Variants in SRGAP3 observed in about 807,000 individuals in gnomAD.
SRGAP3 encodes the protein SLIT-ROBO Rho GTPase activating protein 3, also known as SLIT-ROBO Rho GTPase-activating protein 3.
A neutral mutation model predicts 121.1 loss-of-function variants in SRGAP3; 39 were observed. That is an observed-to-expected ratio of 0.32 (90% CI 0.25 to 0.42). SRGAP3 has a LOEUF of 0.42. Ranked by LOEUF, SRGAP3 falls within the 10% of genes least tolerant of loss-of-function variation. The pLI, the probability that SRGAP3 is intolerant of heterozygous loss-of-function variation, is 1.00. For synonymous variants in SRGAP3, 601 were observed against 570.0 expected (o/e 1.05, Z -0.77); for missense variants, 1,213 against 1,470.6 (o/e 0.82, Z 2.86).
rs746602606 is a variant in SRGAP3, at chr3:9,111,299, A to G, written c.261-6457T>C. ...GGGCTGGCCTGATTTGTGGGTCACT[A>G]AAGTGTCCCCAAGGAAGAGGTCATT... On this transcript the variant is annotated intron_variant, in intron 2 of 21. Transcript: ENST00000383836. Among the ~76,000 whole-genome samples, 11 of 152,310 alleles carry G rather than the reference A, an allele frequency of 7.2e-5. No individual in the cohort carries two copies. In the South Asian group the frequency reaches 1.0e-3, roughly 14 times the overall value.
chr3:9,302,912 G>A (rs1175421929), intron 3 of SRGAP3, among the ~76,000 whole-genome samples: 1 of 152,020 alleles, frequency 6.6e-6, no homozygotes, highest in Admixed American at 6.6e-5. Flanking sequence ...GAATGGCAAC[G>A]AAGATAATAC....
chr3:9,010,934 A>T (rs1282352137), intron 17 of SRGAP3, among the ~76,000 whole-genome samples: 1 of 152,226 alleles, frequency 6.6e-6, no homozygotes, highest in Non-Finnish European at 1.5e-5. Flanking sequence ...TGAGTAATCC[A>T]GTCCATCAGA....
At chr3:9,199,829 C>T (rs546609697) in intron 1 of SRGAP3, among the ~76,000 whole-genome samples, 74 of 152,264 alleles carry the variant, frequency 4.9e-4, no homozygotes, top group African/African-American at 1.7e-3. Flanking sequence ...AAGCCCCATC[C>T]AAAAAGATTT....
intron 3 of SRGAP3, chr3:9,292,463 T>G (rs1355260826): frequency 6.6e-6 from 1 of 152,202 alleles, no homozygotes; most frequent in Non-Finnish European, 1.5e-5. Flanking sequence ...AATAGTCACT[T>G]ATTGTCCATC....
At chr3:9,259,098 C>G (rs1954197374) in intron 3 of SRGAP3, among the ~76,000 whole-genome samples, 1 of 152,162 alleles carries the variant, frequency 6.6e-6, no homozygotes, top group Admixed American at 6.5e-5. Flanking sequence ...GCAGTGCTCC[C>G]AGCACTTGCT....
Position 8,985,390 on chromosome 3 carries a change from G to C in SRGAP3, c.*129C>G, listed in dbSNP as rs1941626525. 1 of 1,488,418 alleles carries C rather than the reference G, an allele frequency of 6.7e-7. No homozygotes were observed. Among genetic ancestry groups the C allele is most frequent in the African/African-American group, 1.4e-5 (1 of 71,270 alleles). 92.2% of individuals were successfully genotyped at this position (1,488,418 alleles called of 1,614,324 possible). On this transcript the variant is annotated 3_prime_UTR_variant, in exon 22 of 22. Transcript: ENST00000383836. This position sits in a 1 kb window ranked among gnomAD's most constrained non-coding sequence, Gnocchi z 5.1. Reference sequence around the variant, plus strand: ...AGCGCCCGGGCCTCAGCTCTGCACAGACACACCCTCCCAGACGGACCTCTG... The same window carrying C: ...AGCGCCCGGGCCTCAGCTCTGCACACACACACCCTCCCAGACGGACCTCTG...
intron 1 of SRGAP3, among the ~76,000 whole-genome samples, chr3:9,248,301 T>A (rs1356684151): frequency 6.6e-6 from 1 of 152,208 alleles, no homozygotes; most frequent in Non-Finnish European, 1.5e-5. Context: ...TGCATTAGTC[T>A]GGATCAATAT....
chr3:9,057,599 G>A (rs1357011619), intron 7 of SRGAP3, among the ~76,000 whole-genome samples: 1 of 152,194 alleles, frequency 6.6e-6, no homozygotes, highest in Non-Finnish European at 1.5e-5. Context: ...CTGGGACCCA[G>A]AGGCTGGCTG....
intron 1 of SRGAP3, among the ~76,000 whole-genome samples, chr3:9,182,027 T>A (rs937192618): frequency 6.6e-6 from 1 of 151,474 alleles, no homozygotes; most frequent in Non-Finnish European, 1.5e-5. Flanking sequence ...ATAGAAAAAA[T>A]TAGCTGCATG....
intron 3 of SRGAP3, among the ~76,000 whole-genome samples, chr3:9,283,748 A>G (rs893172944): frequency 2.0e-5 from 3 of 152,230 alleles, no homozygotes; most frequent in Admixed American, 6.5e-5. Flanking sequence ...CAAAATGAAC[A>G]CATGTTAAAG....
chr3:9,173,132 C>T (rs1392836893), intron 1 of SRGAP3, among the ~76,000 whole-genome samples: 1 of 152,134 alleles, frequency 6.6e-6, no homozygotes. Context: ...CCACATCTGG[C>T]CCAGCTCTGA....
chr3:9,311,134 C>T (rs966380862), intron 3 of SRGAP3, among the ~76,000 whole-genome samples: 1 of 150,628 alleles, frequency 6.6e-6, no homozygotes, highest in Non-Finnish European at 1.5e-5. Flanking sequence ...TGCGTCACTG[C>T]ACTCCAGCCT....
At chr3:9,102,673 T>C (rs1948265616) in intron 3 of SRGAP3, among the ~76,000 whole-genome samples, 1 of 152,248 alleles carries the variant, frequency 6.6e-6, no homozygotes, top group Non-Finnish European at 1.5e-5. Context: ...GGCTGGGTTG[T>C]TTCCTTTGTT....
intron 1 of SRGAP3, among the ~76,000 whole-genome samples, chr3:9,210,470 C>T (rs913064083): frequency 2.0e-5 from 3 of 151,012 alleles, no homozygotes; most frequent in Non-Finnish European, 4.4e-5. Flanking sequence ...CTAGGTGACA[C>T]AGTGAGACTC....
Position 8,990,646 on chromosome 3 carries a change from C to G in SRGAP3, c.2752G>C (p.Gly918Arg). 4 of 1,613,586 alleles carry G rather than the reference C, an allele frequency of 2.5e-6. No individual in the cohort carries two copies. The highest frequency in any genetic ancestry group is 2.2e-5 in the South Asian group (2 of 91,020). Residue 918 changes from glycine to arginine, a missense_variant, in exon 21 of 22, where the codon GGG becomes CGG. Around this residue, in one of 2 missense-constraint regions of SRGAP3, gnomAD observed 420 missense variants for 437.7 expected, o/e 0.96. Coordinates refer to ENST00000383836, the MANE Select transcript of SRGAP3 (RefSeq NM_014850.4). ...SPEKRRMATF[G>R]SAGSINYPDK... ...GGGTAGTTGATGCTGCCAGCGCTCCCGAACGTCGCCATCCTCCGCTTCTCA... is the reference window on the plus strand; with the variant it reads ...GGGTAGTTGATGCTGCCAGCGCTCCGGAACGTCGCCATCCTCCGCTTCTCA...
At position 9,142,829 on chromosome 3, in the gene SRGAP3, C is replaced by CTT. The variant is rs397795766; in HGVS notation, c.68-17914_68-17913dup. On this transcript the variant is annotated intron_variant, in intron 1 of 21. Transcript: ENST00000383836. ...GTCAACCAAGTTGGTGGGCAATTTC[C>CTT]TTTTTTTTTTTTTTTTTTTTTTTGA... 5.8e-3 allele frequency among the ~76,000 whole-genome samples: 528 copies of CTT among 90,802 alleles called. 23 individuals carry two copies. Among genetic ancestry groups the CTT allele is most frequent in the African/African-American group, 9.8e-3 (221 of 22,650 alleles). 59.6% of individuals were successfully genotyped at this position (90,802 alleles called of 152,430 possible).
At chr3:9,210,880 CTG>C (rs1178933777) in intron 1 of SRGAP3, among the ~76,000 whole-genome samples, 2 of 152,060 alleles carry the variant, frequency 1.3e-5, no homozygotes, top group African/African-American at 4.8e-5. Flanking sequence ...CCAGGATAAA[CTG>C]TTAAATTTTT....
chr3:9,290,343 C>T (rs1954850723), intron 3 of SRGAP3, among the ~76,000 whole-genome samples: 2 of 152,272 alleles, frequency 1.3e-5, no homozygotes, highest in South Asian at 4.1e-4. Flanking sequence ...TGAAAGTCCA[C>T]ATCAAAGTAT....
Position 9,053,153 on chromosome 3 carries a change from G to C in SRGAP3, c.1197C>G (p.Ser399=). The C allele has an allele frequency of 6.2e-7, 1 of 1,614,162 alleles. No homozygotes were observed. The highest frequency in any genetic ancestry group is 8.5e-7 in the Non-Finnish European group (1 of 1,180,032). ...TCGATCGACTGTGTTGGAAGGCATC[G>C]GAGACATCAAAGTCCTCCACAGTCA... The part of the protein sequence containing the change: ...DMLTVEDFDV[S]DAFQHSRSTE... Residue 399 remains serine (S), a synonymous_variant, in exon 9 of 22, where the codon TCC becomes TCG. Coordinates refer to ENST00000383836, the MANE Select transcript of SRGAP3 (RefSeq NM_014850.4).
Sources: allele counts gnomAD v4.1 joint callset (sites outside exome capture counted in the v4.1 genomes callset), GRCh38; gene constraint gnomAD v4.1.1; regional missense constraint gnomAD v4.1.1; non-coding constraint Gnocchi (gnomAD v3.1); transcripts MANE v1.5; gene names NCBI Gene and HGNC (gene_info 2026-07-23, HGNC 2026-07-21).